WWC2: variants seen among roughly 807,000 people sequenced by gnomAD.
WWC2 encodes the protein protein WWC2.
WWC2 carries 101 observed loss-of-function variants against 138.5 expected under a neutral mutation model. The ratio of observed to expected loss-of-function variants is 0.73; its 90% CI spans 0.62 to 0.86. WWC2 has a LOEUF of 0.86. WWC2 is among the 40% of genes least tolerant of loss of function. The pLI is 0.00. For missense variants in WWC2, 1,420 were observed against 1,419.4 expected, an observed-to-expected ratio of 1.00 and a Z score of -0.01; for synonymous variants, 558 against 538.4, an observed-to-expected ratio of 1.04 and a Z score of -0.50.
chr4:183,193,019 T>C (rs570585829), intron 1 of WWC2, among the ~76,000 whole-genome samples: 1 of 152,316 alleles, frequency 6.6e-6, no homozygotes, highest in East Asian at 1.9e-4. Flanking sequence ...TGAGATCACA[T>C]TGATATATGA....
chr4:183,226,974 T>A (rs1195130964), intron 4 of WWC2, among the ~76,000 whole-genome samples: 1 of 152,022 alleles, frequency 6.6e-6, no homozygotes, highest in Non-Finnish European at 1.5e-5. Context: ...TAGGTGCATA[T>A]TCCCTTCTAT....
intron 1 of WWC2, among the ~76,000 whole-genome samples, chr4:183,161,680 G>C (rs768476950): frequency 6.6e-6 from 1 of 152,010 alleles, no homozygotes; most frequent in Non-Finnish European, 1.5e-5. Context: ...ACTTACCATT[G>C]CGTTACAGTT....
chr4:183,233,445 C>G (rs1381940709), intron 4 of WWC2, among the ~76,000 whole-genome samples: 1 of 152,076 alleles, frequency 6.6e-6, no homozygotes, highest in Non-Finnish European at 1.5e-5. Context: ...GTGTGAGCCA[C>G]TCGCCCAGCC....
intron 5 of WWC2, among the ~76,000 whole-genome samples, chr4:183,243,723 C>CCCCAT: frequency 6.7e-6 from 1 of 149,256 alleles, no homozygotes; most frequent in East Asian, 2.0e-4. Context: ...TAGGGGCCCT[C>CCCCAT]CCCATTCTAA....
intron 1 of WWC2, among the ~76,000 whole-genome samples, chr4:183,159,531 G>A (rs1733898180): frequency 6.6e-6 from 1 of 152,002 alleles, no homozygotes; most frequent in African/African-American, 2.4e-5. Flanking sequence ...CAGCCTCTGA[G>A]TAGCTGGGAC....
chr4:183,258,255 G>T (rs1158237601), intron 9 of WWC2, among the ~76,000 whole-genome samples: 2 of 152,014 alleles, frequency 1.3e-5, no homozygotes, highest in South Asian at 4.2e-4. Flanking sequence ...TTTTTTCCTC[G>T]TTGAGTTTTT....
In WWC2 at chr4:183,127,762, T is replaced by G. The variant is rs149452113; in HGVS notation, c.131+28140T>G. ...CCTTAAATGTGTACAATACAATTTT[T>G]TAATTGAAAACATGAAACTATAAAA... On this transcript the variant is annotated intron_variant, in intron 1 of 22. Coordinates refer to ENST00000403733, the MANE Select transcript of WWC2 (RefSeq NM_024949.6). 4.4e-3 allele frequency among the ~76,000 whole-genome samples: 677 copies of G among 152,260 alleles called. 5 individuals carry two copies. The highest frequency in any genetic ancestry group is 0.016 in the African/African-American group (648 of 41,564).
At chr4:183,132,235 A>G (rs1579969464) in intron 1 of WWC2, among the ~76,000 whole-genome samples, 1 of 152,102 alleles carries the variant, frequency 6.6e-6, no homozygotes, top group South Asian at 2.1e-4. Context: ...TTTTCCTGCC[A>G]TTCAGTACTA....
At position 183,099,621 on chromosome 4, in the gene WWC2, A is replaced by G. The variant is rs1238085213; in HGVS notation, c.130A>G (p.Arg44Gly). The change falls in exon 1 of 23, where the codon AGG becomes GGG. Residue 44 changes from arginine (R) to glycine (G), a missense_variant and splice_region_variant. Coordinates refer to ENST00000403733, the MANE Select transcript of WWC2 (RefSeq NM_024949.6). ...RRTSWIDPRD[R>G]LTKPLSFADC... ...GACCAGCTGGATCGACCCCCGGGAC[A>G]GGTGGGCGCCGGCCGCGGGGGCGCG... is the stretch of plus-strand genomic sequence containing the variant. The G allele has an allele frequency of 7.5e-7, 1 of 1,339,890 alleles. No individual in the cohort carries two copies. Among genetic ancestry groups the G allele is most frequent in the Non-Finnish European group, 9.7e-7 (1 of 1,028,906 alleles). 83.0% of individuals were successfully genotyped at this position (1,339,890 alleles called of 1,614,324 possible).
At chr4:183,226,140 C>A (rs1393894703) in intron 4 of WWC2, among the ~76,000 whole-genome samples, 1 of 134,266 alleles carries the variant, frequency 7.4e-6, no homozygotes, top group Non-Finnish European at 1.5e-5. Context: ...CTCTGTCATT[C>A]AGGCTGAGTG....
Position 183,249,803 on chromosome 4 carries a change from G to A in WWC2, c.880-117G>A, listed in dbSNP as rs57410749. 8,170 of 753,536 alleles carry A rather than the reference G, an allele frequency of 0.011. 498 individuals are homozygous for A. In the African/African-American group the frequency reaches 0.13, roughly 12 times the overall value. The allele number at this position is 753,536 out of a possible 1,614,324, so 46.7% of individuals were successfully genotyped here. On this transcript the variant is annotated intron_variant, in intron 7 of 22. Transcript: ENST00000403733. The stretch of plus-strand genomic sequence containing the variant: ...GTGTCTTTTAAAATTGGTGTTTCCC[G>A]ATTTCAGTACCATCTTCTTTAACTT...
intron 10 of WWC2, 47 bp from the exon 11 acceptor site, chr4:183,260,863 T>G: frequency 6.3e-7 from 1 of 1,596,230 alleles, no homozygotes; most frequent in Non-Finnish European, 8.5e-7. Flanking sequence ...GTGATTAGGT[T>G]TTCCATTTTG....
chr4:183,215,430 C>G (rs971654023), intron 4 of WWC2, among the ~76,000 whole-genome samples: 3 of 151,418 alleles, frequency 2.0e-5, no homozygotes, highest in African/African-American at 7.3e-5. Context: ...AATGAGATGA[C>G]TTGACTTACA....
intron 22 of WWC2, among the ~76,000 whole-genome samples, chr4:183,313,170 G>C (rs1398509660): frequency 6.6e-6 from 1 of 152,194 alleles, no homozygotes; most frequent in African/African-American, 2.4e-5. Context: ...TTAGAAGTCA[G>C]TGCCAAGCTC....
At chr4:183,136,491 A>G (rs1260194032) in intron 1 of WWC2, among the ~76,000 whole-genome samples, 1 of 152,114 alleles carries the variant, frequency 6.6e-6, no homozygotes, top group African/African-American at 2.4e-5. Context: ...ACTTTCCTGG[A>G]AACATAGTAC....
intron 1 of WWC2, among the ~76,000 whole-genome samples, chr4:183,161,631 A>G (rs1561442309): frequency 6.6e-6 from 1 of 152,134 alleles, no homozygotes; most frequent in Non-Finnish European, 1.5e-5. Flanking sequence ...TTAAAATACC[A>G]TATTTTTACA....
chr4:183,152,760 G>C (rs1169689531), intron 1 of WWC2, among the ~76,000 whole-genome samples: 1 of 151,478 alleles, frequency 6.6e-6, no homozygotes, highest in Admixed American at 6.6e-5. Context: ...GCGGGTGCCT[G>C]TAATCCCAGC....
chr4:183,141,864 C>G (rs2111096959), intron 1 of WWC2, among the ~76,000 whole-genome samples: 1 of 152,244 alleles, frequency 6.6e-6, no homozygotes, highest in East Asian at 1.9e-4. Flanking sequence ...CTGCTGTATG[C>G]TAGGCACTGC....
chr4:183,188,618 A>ATC (rs539084926), intron 1 of WWC2, among the ~76,000 whole-genome samples: 30 of 138,796 alleles, frequency 2.2e-4, no homozygotes, highest in South Asian at 9.4e-4. Flanking sequence ...ATCTAATATG[A>ATC]TCTCTCTCTC....
Sources: gnomAD v4.1 joint callset for allele counts (sites outside exome capture counted in the v4.1 genomes callset) on GRCh38, gnomAD v4.1.1 for gene constraint, MANE v1.5 for transcripts, NCBI Gene and HGNC (gene_info 2026-07-23, HGNC 2026-07-21) for gene names.